Variants in PRKCE observed in about 807,000 individuals in gnomAD.
PRKCE encodes protein kinase C epsilon, also known as protein kinase C epsilon type.
Under a neutral mutation model 85.4 loss-of-function variants are expected in PRKCE, and 16 were observed. That is an observed-to-expected ratio of 0.19 (90% CI 0.13 to 0.28). The LOEUF is 0.28. PRKCE is among the 10% of genes least tolerant of loss of function. PRKCE has a pLI of 1.00. For missense variants in PRKCE, 573 were observed against 975.2 expected (o/e 0.59, Z 5.49); for synonymous variants, 388 against 371.5 (o/e 1.04, Z -0.51).
intron 1 of PRKCE, among the ~76,000 whole-genome samples, chr2:45,816,451 G>A (rs1394996831): frequency 3.3e-5 from 5 of 152,130 alleles, no homozygotes; most frequent in African/African-American, 1.2e-4. Context: ...ACAGTGCAGG[G>A]GTGGATAACT....
rs1182902787 is a variant in PRKCE, at chr2:46,187,734, T to A, written c.*2853T>A. The A allele has an allele frequency of 6.6e-6, 1 of 151,534 alleles. No individual in the cohort carries two copies. The highest frequency in any genetic ancestry group is 2.4e-5 in the African/African-American group (1 of 41,286). 9.4% of individuals were successfully genotyped at this position (151,534 alleles called of 1,614,324 possible). A position where few individuals can be genotyped will look rare whatever the true frequency, so the allele number is the denominator to read the frequency against. On this transcript the variant is annotated 3_prime_UTR_variant, in exon 15 of 15. Transcript: ENST00000306156. Reference sequence around the variant, plus strand: ...TTGCTTTAAAAAAAAAAAAGAAGGCTAAAAAATTACCTCTTTTTAAATTAT... The same window carrying A: ...TTGCTTTAAAAAAAAAAAAGAAGGCAAAAAAATTACCTCTTTTTAAATTAT...
At chr2:45,811,140 CAGG>C (rs1254850795) in intron 1 of PRKCE, among the ~76,000 whole-genome samples, 3 of 152,162 alleles carry the variant, frequency 2.0e-5, no homozygotes, top group Admixed American at 2.0e-4. Context: ...TTCTGTTGTA[CAGG>C]AGAAGGGGAA....
At chr2:46,146,021 A>T (rs1676037552) in intron 12 of PRKCE, among the ~76,000 whole-genome samples, 1 of 152,232 alleles carries the variant, frequency 6.6e-6, no homozygotes, top group Non-Finnish European at 1.5e-5. Context: ...AGTACACAGG[A>T]TGGAGCAGGA....
chr2:46,010,231 T>C (rs1705549359), intron 9 of PRKCE, 113 bp from the exon 10 acceptor site: 1 of 1,230,098 alleles, frequency 8.1e-7, no homozygotes, highest in East Asian at 2.5e-5. Flanking sequence ...TGTTATAATA[T>C]TTAAAATTAA....
At chr2:46,046,845 C>T (rs1368319853) in intron 10 of PRKCE, among the ~76,000 whole-genome samples, 4 of 152,138 alleles carry the variant, frequency 2.6e-5, no homozygotes, top group African/African-American at 4.8e-5. Context: ...GGATTCAAGA[C>T]GGACTTCACA....
At position 45,952,331 on chromosome 2, in the gene PRKCE, C is replaced by T. The variant is rs544691463; in HGVS notation, c.413-24098C>T. ...ATTACACCATGCTGCCCCTGGGCCT[C>T]GCAAGCGTACATAAGTCATCACTAT... On this transcript the variant is annotated intron_variant, in intron 2 of 14. Coordinates refer to ENST00000306156, the MANE Select transcript of PRKCE (RefSeq NM_005400.3). Among the ~76,000 whole-genome samples the T allele has an allele frequency of 5.9e-5, 9 of 152,336 alleles. No homozygotes were observed. In the South Asian group the frequency reaches 1.9e-3, roughly 32 times the overall value.
At chr2:45,814,355 G>A (rs1415870727) in intron 1 of PRKCE, among the ~76,000 whole-genome samples, 2 of 152,198 alleles carry the variant, frequency 1.3e-5, no homozygotes, top group African/African-American at 4.8e-5. Flanking sequence ...CGCAGCCAAG[G>A]GTCGTCGGGG....
chr2:45,759,103 C>T (rs1329339456), intron 1 of PRKCE, among the ~76,000 whole-genome samples: 1 of 152,174 alleles, frequency 6.6e-6, no homozygotes, highest in Non-Finnish European at 1.5e-5. Context: ...AAACTCTCCC[C>T]TCTCCCCAAT....
intron 1 of PRKCE, among the ~76,000 whole-genome samples, chr2:45,776,350 G>A (rs564594180): frequency 3.3e-5 from 5 of 152,150 alleles, no homozygotes; most frequent in African/African-American, 9.7e-5. Context: ...TACGAGTTTC[G>A]GCTTTTCTGC....
At position 46,001,027 on chromosome 2, in the gene PRKCE, C is replaced by T. The variant is rs56409320; in HGVS notation, c.824-377C>T. ...GGTTGTTTTCACCTGTGATGTCTTA[C>T]ACCAAGGACAACTAAGTGAAGAGGG... On this transcript the variant is annotated intron_variant, in intron 6 of 14. Coordinates refer to ENST00000306156, the MANE Select transcript of PRKCE (RefSeq NM_005400.3). This position sits in a 1 kb window ranked among gnomAD's most constrained non-coding sequence, Gnocchi z 4.4. 0.035 allele frequency: 5,387 copies of T among 152,340 alleles called. 127 individuals carry two copies. Among genetic ancestry groups the T allele is most frequent in the Non-Finnish European group, 0.051 (3,445 of 68,082 alleles). The allele number at this position is 152,340 out of a possible 1,614,324, so 9.4% of individuals were successfully genotyped here. A position where few individuals can be genotyped will look rare whatever the true frequency, so the allele number is the denominator to read the frequency against.
At chr2:45,980,428 C>T (rs2249505) in intron 5 of PRKCE, 47 bp downstream of exon 5, 371,192 of 1,533,782 alleles carry the variant, frequency 0.24, 52,188 homozygotes, top group East Asian at 0.6. Flanking sequence ...ACCGCCAGCC[C>T]CTCCCTTCAC....
chr2:45,809,815 G>A (rs534462990), intron 1 of PRKCE, among the ~76,000 whole-genome samples: 118 of 151,304 alleles, frequency 7.8e-4, no homozygotes, highest in Middle Eastern at 3.4e-3. Context: ...AGGAGGCAGA[G>A]GTTGCGGTGA....
chr2:45,817,884 T>A (rs1441457120), intron 1 of PRKCE, among the ~76,000 whole-genome samples: 3 of 152,180 alleles, frequency 2.0e-5, no homozygotes, highest in Admixed American at 1.3e-4. Flanking sequence ...CACGTGGGCA[T>A]CTCACTGCCT....
chr2:45,983,979 C>T (rs1422304488), intron 5 of PRKCE, among the ~76,000 whole-genome samples: 2 of 149,916 alleles, frequency 1.3e-5, no homozygotes, highest in African/African-American at 5.0e-5. Flanking sequence ...GCTCTGTCAC[C>T]CAGGCTAGGG....
rs144430939 is a variant in PRKCE at position 45,671,766 on chromosome 2, G to C, written c.348+19318G>C. Among the ~76,000 whole-genome samples, 437 of 151,906 alleles carry C rather than the reference G, an allele frequency of 2.9e-3. 3 individuals carry two copies. The highest frequency in any genetic ancestry group is 0.01 in the African/African-American group (427 of 41,462). ...TCAGAAGTTTAGTGACTTGATCAAAGTAAAAAAAAAATCCAGTAGAGGACA... is the reference window on the plus strand; with the variant it reads ...TCAGAAGTTTAGTGACTTGATCAAACTAAAAAAAAAATCCAGTAGAGGACA... On this transcript the variant is annotated intron_variant, in intron 1 of 14. Coordinates refer to ENST00000306156, the MANE Select transcript of PRKCE (RefSeq NM_005400.3).
intron 1 of PRKCE, among the ~76,000 whole-genome samples, chr2:45,741,704 T>C (rs985911452): frequency 3.3e-5 from 5 of 151,850 alleles, no homozygotes; most frequent in African/African-American, 1.2e-4. Context: ...GGCTGTGGTC[T>C]TGGAAGGGAA....
chr2:46,176,288 C>G (rs1351781163), intron 14 of PRKCE, among the ~76,000 whole-genome samples: 1 of 152,098 alleles, frequency 6.6e-6, no homozygotes, highest in Non-Finnish European at 1.5e-5. Context: ...AACAGAATCC[C>G]TAGAGTGGGA....
intron 6 of PRKCE, among the ~76,000 whole-genome samples, chr2:45,985,399 G>A (rs1703233337): frequency 6.6e-6 from 1 of 152,098 alleles, no homozygotes; most frequent in Non-Finnish European, 1.5e-5. Context: ...TGAGAAGTGT[G>A]TCCAGTTTTA....
intron 2 of PRKCE, among the ~76,000 whole-genome samples, chr2:45,961,629 C>G (rs1300428566): frequency 6.6e-6 from 1 of 152,030 alleles, no homozygotes; most frequent in Non-Finnish European, 1.5e-5. Context: ...AGGAGCCAGG[C>G]TTGTTAGCAT....
Sources: gnomAD v4.1 joint callset for allele counts (sites outside exome capture counted in the v4.1 genomes callset) on GRCh38, gnomAD v4.1.1 for gene constraint, Gnocchi (gnomAD v3.1) non-coding constraint, MANE v1.5 for transcripts, NCBI Gene and HGNC (gene_info 2026-07-23, HGNC 2026-07-21) for gene names.